Variants in DTNA observed in about 807,000 individuals in gnomAD.
DTNA encodes the protein dystrobrevin alpha.
Under a neutral mutation model 100.7 loss-of-function variants are expected in DTNA, and 43 were observed. The ratio of observed to expected loss-of-function variants is 0.43; its 90% CI spans 0.33 to 0.55. The LOEUF (loss-of-function observed/expected upper bound fraction) is 0.55. Ranked by LOEUF, DTNA falls within the 20% of genes least tolerant of loss-of-function variation. DTNA has a pLI of 0.04. For synonymous variants in DTNA, 349 were observed against 347.9 expected, an observed-to-expected ratio of 1.00 and a Z score of -0.04; for missense variants, 798 against 953.9, an observed-to-expected ratio of 0.84 and a Z score of 2.15.
At chr18:34,791,762 C>CT (rs2094754244) in intron 3 of DTNA, among the ~76,000 whole-genome samples, 1 of 152,080 alleles carries the variant, frequency 6.6e-6, no homozygotes, top group African/African-American at 2.4e-5. Flanking sequence ...ATATATTTTT[C>CT]TTTTGACATG....
upstream of DTNA, among the ~76,000 whole-genome samples, chr18:34,706,005 T>C (rs2082064223): frequency 6.6e-6 from 1 of 152,224 alleles, no homozygotes; most frequent in Non-Finnish European, 1.5e-5. Flanking sequence ...TAGAGTGTAG[T>C]GGCGTGATCT....
chr18:34,589,754 T>C (rs1375098356), intron 1 of DTNA, among the ~76,000 whole-genome samples: 1 of 152,248 alleles, frequency 6.6e-6, no homozygotes, highest in Non-Finnish European at 1.5e-5. Context: ...TTGTACCTTT[T>C]GATCTATATC....
Position 34,879,631 on chromosome 18 carries a change from T to C in DTNA, c.2074T>C (p.Ser692Pro). Residue 692 changes from serine to proline, a missense_variant, in exon 20 of 23, where the codon TCT (serine) becomes CCT (proline). By Grantham distance (74) the Ser-to-Pro change is moderately conservative. Transcript: ENST00000444659. ...QFEDLVPSPTSEKAFLAQIHA... is the reference protein window; with the variant it reads ...QFEDLVPSPTPEKAFLAQIHA... ...TGAGGATCTTGTTCCCTCACCAACCTCTGAAAAGGCTTTTCTAGCGCAAAT... is the reference window on the plus strand; with the variant it reads ...TGAGGATCTTGTTCCCTCACCAACCCCTGAAAAGGCTTTTCTAGCGCAAAT... The C allele has an allele frequency of 6.2e-7, 1 of 1,614,088 alleles. No individual in the cohort carries two copies. Among genetic ancestry groups the C allele is most frequent in the Non-Finnish European group, 8.5e-7 (1 of 1,179,994 alleles).
At chr18:34,606,922 T>G (rs2147362828) in intron 1 of DTNA, among the ~76,000 whole-genome samples, 1 of 152,078 alleles carries the variant, frequency 6.6e-6, no homozygotes, top group African/African-American at 2.4e-5. Flanking sequence ...TTGTAAGGGG[T>G]TTGGTCTCTA....
At chr18:34,737,384 T>C (rs2089821890) in intron 1 of DTNA, among the ~76,000 whole-genome samples, 1 of 152,206 alleles carries the variant, frequency 6.6e-6, no homozygotes. Context: ...CTAAAGACGG[T>C]CTGGTTCTTG....
chr18:34,653,500 A>G (rs915500221), intron 1 of DTNA, among the ~76,000 whole-genome samples: 1 of 152,096 alleles, frequency 6.6e-6, no homozygotes, highest in East Asian at 1.9e-4. Flanking sequence ...AAGAAAAAAA[A>G]AACACTTAAC....
At chr18:34,852,052 C>A in intron 15 of DTNA, 124 bp downstream of exon 15, 1 of 917,140 alleles carries the variant, frequency 1.1e-6, no homozygotes, top group Non-Finnish European at 1.7e-6. Context: ...GACATCTACA[C>A]TCAGTGATGC....
chr18:34,733,043 C>T (rs2088684187), intron 1 of DTNA, among the ~76,000 whole-genome samples: 1 of 152,218 alleles, frequency 6.6e-6, no homozygotes, highest in South Asian at 2.1e-4. Flanking sequence ...CAATCAATGT[C>T]AGCTCAGAGC....
intron 1 of DTNA, among the ~76,000 whole-genome samples, chr18:34,561,230 C>T (rs1173849851): frequency 6.6e-6 from 1 of 151,966 alleles, no homozygotes; most frequent in Non-Finnish European, 1.5e-5. Flanking sequence ...CACTTTCTTT[C>T]AAAGATAAAA....
chr18:34,776,072 G>A (rs568188081), intron 3 of DTNA, among the ~76,000 whole-genome samples: 174 of 152,342 alleles, frequency 1.1e-3, no homozygotes, highest in African/African-American at 3.9e-3. Context: ...GACTGAGACT[G>A]AATAACCCTG....
chr18:34,789,658 T>C (rs2094632575), intron 3 of DTNA, among the ~76,000 whole-genome samples: 1 of 152,218 alleles, frequency 6.6e-6, no homozygotes, highest in Non-Finnish European at 1.5e-5. Flanking sequence ...TTGCATATAA[T>C]TATGAAAACT....
intron 1 of DTNA, among the ~76,000 whole-genome samples, chr18:34,664,013 T>C (rs889284754): frequency 6.6e-6 from 1 of 152,208 alleles, no homozygotes; most frequent in East Asian, 1.9e-4. Flanking sequence ...TTCATTGATA[T>C]GTTTCAGATT....
intron 1 of DTNA, among the ~76,000 whole-genome samples, chr18:34,702,086 T>C (rs970822368): frequency 6.6e-6 from 1 of 152,212 alleles, no homozygotes; most frequent in Non-Finnish European, 1.5e-5. Flanking sequence ...TGTGTGACCC[T>C]GTCCCCATCT....
At chr18:34,632,952 C>T (rs1161423378) in intron 1 of DTNA, among the ~76,000 whole-genome samples, 1 of 151,910 alleles carries the variant, frequency 6.6e-6, no homozygotes, top group African/African-American at 2.4e-5. Context: ...ATTATTATCC[C>T]TATTTTACAG....
At chr18:34,820,417 T>G (rs1054332853) in intron 8 of DTNA, among the ~76,000 whole-genome samples, 5 of 152,096 alleles carry the variant, frequency 3.3e-5, no homozygotes, top group African/African-American at 1.2e-4. Context: ...CATATAAAGA[T>G]TTTGATGATC....
chr18:34,736,100 C>T (rs1457694504), intron 1 of DTNA, among the ~76,000 whole-genome samples: 1 of 152,128 alleles, frequency 6.6e-6, no homozygotes, highest in African/African-American at 2.4e-5. Flanking sequence ...TAGTTCAATG[C>T]CCTCCACGTG....
rs767854517 is a variant in DTNA, at chr18:34,559,895, T to TA, written c.-2+66382dup. 2.6e-5 allele frequency among the ~76,000 whole-genome samples: 4 copies of TA among 152,340 alleles called. No homozygotes were observed. In the South Asian group the frequency reaches 8.3e-4, roughly 32 times the overall value. On this transcript the variant is annotated intron_variant, in intron 1 of 19. Transcript: ENST00000283365. ...AAAATATGTATAGGAAAACACAAAT[T>TA]ATGAAGTGCTTGAAATATATTACTT...
chr18:34,808,309 G>A (rs2095413598), intron 5 of DTNA, among the ~76,000 whole-genome samples: 1 of 152,144 alleles, frequency 6.6e-6, no homozygotes, highest in Non-Finnish European at 1.5e-5. Flanking sequence ...AGTAAGGGTG[G>A]AGGGTGAGGG....
At chr18:34,887,464 C>T (rs1464777160) in intron 22 of DTNA, among the ~76,000 whole-genome samples, 1 of 152,106 alleles carries the variant, frequency 6.6e-6, no homozygotes, top group African/African-American at 2.4e-5. Flanking sequence ...ATCTCTTTGT[C>T]CAAAAGACAG....
Sources: allele counts gnomAD v4.1 joint callset (sites outside exome capture counted in the v4.1 genomes callset), GRCh38; gene constraint gnomAD v4.1.1; transcripts MANE v1.5; gene names NCBI Gene and HGNC (gene_info 2026-07-23, HGNC 2026-07-21).